KDM5C: variants seen among roughly 807,000 people sequenced by gnomAD.
KDM5C encodes lysine-specific demethylase 5C.
In KDM5C, 16 loss-of-function variants were observed where a neutral mutation model predicts 110.6. The ratio of observed to expected loss-of-function variants is 0.14; its 90% CI spans 0.10 to 0.22. The LOEUF is 0.22. KDM5C is among the 10% of genes least tolerant of loss of function. The pLI, the probability that KDM5C is intolerant of heterozygous loss-of-function variation, is 1.00. For synonymous variants in KDM5C, 511 were observed against 520.4 expected (o/e 0.98, Z 0.24); for missense variants, 681 against 1,300.9 (o/e 0.52, Z 7.33).
chrX:53,187,342 T>C (rs1556828439), downstream of KDM5C, among the ~76,000 whole-genome samples: 1 of 111,361 alleles, frequency 9.0e-6, no homozygotes, highest in Admixed American at 9.5e-5. Context: ...GCTGCAAACA[T>C]TTGCTGCCTT....
rs2073059758 is a variant in KDM5C, at chrX:53,199,041, C to T, written c.2179G>A (p.Gly727Ser). 1 of 1,210,650 alleles carries T rather than the reference C, an allele frequency of 8.3e-7. No individual in the cohort carries two copies. The highest frequency in any genetic ancestry group is 1.1e-6 in the Non-Finnish European group (1 of 895,351). ...SALACYDCPD[G>S]LVCLSHINDL... is the part of the protein sequence containing the mutation. The stretch of plus-strand genomic sequence containing the variant: ...TTGATGTGGGAAAGGCAGACAAGGC[C>T]GTCTGGGCAGTCGTAGCAGGCCAGG... The change falls in exon 15 of 26, where the codon GGC becomes AGC. Residue 727 changes from glycine to serine, a missense_variant. By Grantham distance (56) the Gly-to-Ser change is moderately conservative (BLOSUM62 0). Transcript: ENST00000375401.
In KDM5C at chrX:53,225,083, C is replaced by T; in HGVS notation, c.-194G>A. ...TCTCAGGCTGACTCTACTGCTACCG[C>T]CTCTTCGTCCCGCTCCGTTTCTTCC... On this transcript the variant is annotated 5_prime_UTR_variant, in exon 1 of 26. Coordinates refer to ENST00000375401, the MANE Select transcript of KDM5C (RefSeq NM_004187.5). The T allele has an allele frequency of 2.3e-6, 1 of 443,370 alleles. No individual in the cohort carries two copies. The highest frequency in any genetic ancestry group is 4.0e-5 in the East Asian group (1 of 24,993). The allele number at this position is 443,370 out of a possible 1,213,427, so 36.5% of individuals were successfully genotyped here.
chrX:53,180,367 C>T (rs895209569), intron 25 of KDM5C, among the ~76,000 whole-genome samples: 1 of 111,227 alleles, frequency 9.0e-6, no homozygotes, highest in Admixed American at 9.6e-5. Context: ...TGTCATTATA[C>T]ATTTGTCAAA....
In KDM5C at chrX:53,194,942, G is replaced by C; in HGVS notation, c.3427C>G (p.Pro1143Ala). 8.3e-7 allele frequency: 1 copy of C among 1,210,443 alleles called. No homozygotes were observed. Among genetic ancestry groups the C allele is most frequent in the Non-Finnish European group, 1.1e-6 (1 of 894,928 alleles). ...LGLSAQDLRD[P>A]GSVIVAFKEG... ...TCGAAGCTCCTTACCACAGAGCCTG[G>C]GTCCCTGAGGTCCTGCGCAGACAGC... Residue 1143 changes from proline to alanine, a missense_variant, in exon 22 of 26, where the codon CCA becomes GCA. Transcript: ENST00000375401.
At position 53,192,881 on chromosome X, in the gene KDM5C, C is replaced by CCCCCCCCCCCAAA; in HGVS notation, c.*85_*86insTTTGGGGGGGGGG. 1 of 1,054,429 alleles carries CCCCCCCCCCCAAA rather than the reference C, an allele frequency of 9.5e-7. No individual in the cohort carries two copies. The highest frequency in any genetic ancestry group is 1.2e-6 in the Non-Finnish European group (1 of 802,814). 86.9% of individuals were successfully genotyped at this position (1,054,429 alleles called of 1,213,427 possible). ...TGGCCACCCCCCTACCCGCCCACCC[C>CCCCCCCCCCCAAA]CCAAGAAGCAGGCTTGATGGTCAGA... On this transcript the variant is annotated 3_prime_UTR_variant, in exon 26 of 26. Transcript: ENST00000375401.
At chrX:53,181,737 C>T (rs1934061793) in intron 25 of KDM5C, among the ~76,000 whole-genome samples, 1 of 101,548 alleles carries the variant, frequency 9.8e-6, no homozygotes, top group Non-Finnish European at 2.0e-5. Flanking sequence ...TATGTGAGAA[C>T]TGATTCTATG....
intron 1 of KDM5C, among the ~76,000 whole-genome samples, chrX:53,223,122 C>T (rs1015143601): frequency 5.4e-5 from 6 of 111,933 alleles, no homozygotes; most frequent in African/African-American, 2.0e-4. Context: ...TTCCTGATGC[C>T]CCAAAGCAGG....
intron 21 of KDM5C, 47 bp from the exon 22 acceptor site, chrX:53,195,115 C>T (rs781892409): frequency 1.7e-6 from 2 of 1,186,435 alleles, no homozygotes; most frequent in African/African-American, 1.8e-5. Context: ...TCCCTTACAT[C>T]CCCCGCCTCC....
At chrX:53,205,680 T>C (rs188654356) in intron 12 of KDM5C, among the ~76,000 whole-genome samples, 2 of 111,870 alleles carry the variant, frequency 1.8e-5, no homozygotes, top group Non-Finnish European at 1.9e-5. Flanking sequence ...TGTTGCTCTT[T>C]TGCAGCACCT....
intron 8 of KDM5C, chrX:53,212,422 C>T (rs2073595308): frequency 8.4e-6 from 1 of 119,313 alleles, no homozygotes; most frequent in Non-Finnish European, 1.7e-5. Context: ...TCTCCTGCCT[C>T]AGCTTCCCGA....
downstream of KDM5C, among the ~76,000 whole-genome samples, chrX:53,190,656 T>C (rs1212379449): frequency 9.0e-6 from 1 of 111,359 alleles, no homozygotes; most frequent in Admixed American, 9.5e-5. Context: ...CCCGGCAGGG[T>C]TGTCCACGGA....
chrX:53,200,583 C>T (rs782665718), intron 14 of KDM5C, among the ~76,000 whole-genome samples: 7 of 111,726 alleles, frequency 6.3e-5, no homozygotes, highest in Middle Eastern at 9.3e-3. Context: ...ACTTACACCA[C>T]GACTGAGAGG....
rs1181386435 is a variant in KDM5C, at chrX:53,196,054, C to T, written c.2982G>A (p.Arg994=). The change falls in exon 20 of 26, where the codon AGG becomes AGA. Residue 994 remains arginine (R), a splice_region_variant and synonymous_variant. Coordinates refer to ENST00000375401, the MANE Select transcript of KDM5C (RefSeq NM_004187.5). ...EEKAHLCLEA[R]QKHPPATLEA... ...CAAGTGTGGCTGGTGGATGCTTCTG[C>T]CTAAAGGTAAGGAAAAAAAGAACGC... 1.7e-6 allele frequency: 2 copies of T among 1,210,443 alleles called. No homozygotes were observed. The highest frequency in any genetic ancestry group is 2.2e-6 in the Non-Finnish European group (2 of 895,117).
chrX:53,218,441 C>G lies in KDM5C; in HGVS notation c.229-43G>C, dbSNP rs782611262. The G allele has an allele frequency of 1.9e-5, 23 of 1,200,797 alleles. No homozygotes were observed. In the South Asian group the frequency reaches 3.7e-4, roughly 19 times the overall value. The stretch of plus-strand genomic sequence containing the variant: ...CAAAGAGGCTGGCCACCCCCTCCCA[C>G]TGACCACTATCTTTGGGTCCAGTCT... On this transcript the variant is annotated intron_variant, in intron 2 of 25. Transcript: ENST00000375401.
Position 53,214,865 on chromosome X carries a change from C to T in KDM5C, c.964-18G>A. On this transcript the variant is annotated intron_variant, in intron 7 of 25. Transcript: ENST00000375401. ...GACTCAATCTGCCAGGGGAGAAGAG[C>T]AAAAGTTCTCCATTGGAAATCCACT... The T allele has an allele frequency of 8.3e-7, 1 of 1,208,282 alleles. No individual in the cohort carries two copies. Among genetic ancestry groups the T allele is most frequent in the Non-Finnish European group, 1.1e-6 (1 of 893,021 alleles).
chrX:53,202,497 T>G (rs1333400939), intron 12 of KDM5C: 1 of 124,744 alleles, frequency 8.0e-6, no homozygotes, highest in Non-Finnish European at 1.6e-5. Context: ...CAGTTTTTTA[T>G]GCATATATCC....
chrX:53,208,499 CTTTTTTTTTTTT>C (rs67574134), intron 12 of KDM5C, among the ~76,000 whole-genome samples: 1 of 48,286 alleles, frequency 2.1e-5, no homozygotes, highest in African/African-American at 7.2e-5. Context: ...TCAGAGAATC[CTTTTTTTTTTTT>C]TTTTTTTTTT....
Position 53,210,877 on chromosome X carries a change from T to C in KDM5C, c.1402-20A>G. ...ATACTCCTGCCAGGTCAGGTATTTG[T>C]AAAAAGGGCATGAGGGTTATGCTAA... On this transcript the variant is annotated intron_variant, in intron 10 of 25. Coordinates refer to ENST00000375401, the MANE Select transcript of KDM5C (RefSeq NM_004187.5). 2 of 1,182,162 alleles carry C rather than the reference T, an allele frequency of 1.7e-6. No homozygotes were observed. The highest frequency in any genetic ancestry group is 1.2e-6 in the Non-Finnish European group (1 of 868,516).
chrX:53,210,304 T>C (rs1254492252), intron 12 of KDM5C, 110 bp downstream of exon 12: 2 of 1,006,647 alleles, frequency 2.0e-6, no homozygotes, highest in African/African-American at 3.7e-5. Flanking sequence ...AGAACAGCAA[T>C]GAAGAAAGGC....
Sources: allele counts gnomAD v4.1 joint callset (sites outside exome capture counted in the v4.1 genomes callset), GRCh38; gene constraint gnomAD v4.1.1; transcripts MANE v1.5; gene names NCBI Gene and HGNC (gene_info 2026-07-23, HGNC 2026-07-21).